The following SNURF variants were observed in gnomAD, a reference collection of about 807,000 sequenced individuals.
SNURF encodes the protein SNURF protein.
In SNURF, 6 loss-of-function variants were observed where a neutral mutation model predicts 11.6. The ratio of observed to expected loss-of-function variants is 0.52; its 90% confidence interval spans 0.28 to 1.02. The LOEUF (loss-of-function observed/expected upper bound fraction) is 1.02, where lower values mean the gene tolerates loss of function less well. Ranked by LOEUF, SNURF falls within the 50% of genes least tolerant of loss-of-function variation. SNURF has a pLI of 0.09. For synonymous variants in SNURF, 29 were observed against 31.6 expected (o/e 0.92, Z 0.27); for missense variants, 84 against 88.4 (o/e 0.95, Z 0.20).
At chr15:24,976,343 G>A (rs1297941569) in exon 5 of SNURF, 1 of 1,613,494 alleles carries the variant, frequency 6.2e-7, no homozygotes. Flanking sequence ...GAAGAAAAGC[G>A]GGTTTTGGGT....
chr15:24,975,605 G>C (rs1252697668), intron 4 of SNURF: 2 of 1,016,416 alleles, frequency 2.0e-6, no homozygotes, highest in African/African-American at 3.2e-5. Flanking sequence ...AACTGAAGTA[G>C]TTAGGGAAAC....
At position 24,955,619 on chromosome 15, in the gene SNURF, C is replaced by A. The variant is rs1056664106; in HGVS notation, c.14+557C>A. Among the ~76,000 whole-genome samples the A allele has an allele frequency of 2.3e-5, 3 of 132,434 alleles. No individual in the cohort carries two copies. The Admixed American group carries it at 2.6e-4, about 12-fold the overall frequency. 86.9% of individuals were successfully genotyped at this position (132,434 alleles called of 152,430 possible). A position where few individuals can be genotyped will look rare whatever the true frequency, so the allele number is the denominator to read the frequency against. ...TGGGGCGACTGGGGGGGGAATTCGTCGCAGTGACCGAGGCGAGGAGGCTAT... is the reference window on the plus strand; with the variant it reads ...TGGGGCGACTGGGGGGGGAATTCGTAGCAGTGACCGAGGCGAGGAGGCTAT... On this transcript the variant is annotated intron_variant, in intron 1 of 2. Coordinates refer to ENST00000577949, the Ensembl canonical transcript of SNURF.
At chr15:24,959,969 A>G (rs1193142880) in intron 1 of SNURF, among the ~76,000 whole-genome samples, 2 of 152,160 alleles carry the variant, frequency 1.3e-5, no homozygotes, top group East Asian at 3.9e-4. Context: ...GGTATAATAG[A>G]AAGAACATGA....
chr15:24,977,763 G>C (rs755179082), intron 6 of SNURF: 21 of 1,579,954 alleles, frequency 1.3e-5, no homozygotes, highest in Middle Eastern at 1.7e-4. Flanking sequence ...ACTGTTTCCC[G>C]CCCTGCCTTC....
At chr15:24,978,662 AG>A, downstream of SNURF, 1 of 587,854 alleles carries the variant, frequency 1.7e-6, no homozygotes, top group South Asian at 2.2e-5. Context: ...ATGCCTATTA[AG>A]CAGTTGATTC....
downstream of SNURF, among the ~76,000 whole-genome samples, chr15:24,973,637 T>G (rs1423051212): frequency 6.6e-6 from 1 of 152,182 alleles, no homozygotes; most frequent in African/African-American, 2.4e-5. Context: ...TGACCTCAGG[T>G]GATCCACCTG....
intron 2 of SNURF, among the ~76,000 whole-genome samples, chr15:24,964,621 C>G (rs1342891626): frequency 6.6e-6 from 1 of 152,062 alleles, no homozygotes; most frequent in African/African-American, 2.4e-5. Flanking sequence ...TTTTGCAGCT[C>G]TGACGTTTTT....
chr15:24,960,964 T>C (rs530734121), intron 1 of SNURF, among the ~76,000 whole-genome samples: 1 of 152,188 alleles, frequency 6.6e-6, no homozygotes, highest in African/African-American at 2.4e-5. Context: ...TTTTCATTGT[T>C]TGGATTTTCT....
chr15:24,955,371 C>T (rs141481392), intron 1 of SNURF, among the ~76,000 whole-genome samples: 3 of 151,878 alleles, frequency 2.0e-5, no homozygotes, highest in African/African-American at 7.2e-5. Context: ...TGCGGGGTAA[C>T]CGCAGTGGGC....
intron 5 of SNURF, chr15:24,976,533 G>T (rs768151517): frequency 6.1e-5 from 47 of 772,566 alleles, no homozygotes; most frequent in Non-Finnish European, 1.0e-4. Context: ...AATAAAATGT[G>T]CCAGGCACTT....
chr15:24,965,452 G>A (rs557357948), intron 2 of SNURF, among the ~76,000 whole-genome samples: 1 of 152,170 alleles, frequency 6.6e-6, no homozygotes, highest in African/African-American at 2.4e-5. Context: ...TGGAAGAATC[G>A]CTTGAACCTG....
intron 1 of SNURF, chr15:24,958,957 GT>G (rs1163967370): frequency 6.6e-6 from 1 of 152,310 alleles, no homozygotes; most frequent in East Asian, 1.9e-4. Flanking sequence ...GACTCAAGCA[GT>G]GCCCCTGCCT....
downstream of SNURF, among the ~76,000 whole-genome samples, chr15:24,972,540 T>TC: frequency 6.7e-6 from 1 of 149,032 alleles, no homozygotes; most frequent in Admixed American, 6.6e-5. Flanking sequence ...ATTAGAGTAT[T>TC]CTTTTTTTTT....
At chr15:24,969,922 A>C (rs2153610740), downstream of SNURF, among the ~76,000 whole-genome samples, 1 of 152,318 alleles carries the variant, frequency 6.6e-6, no homozygotes, top group East Asian at 1.9e-4. Context: ...AGCTTTGAGT[A>C]GTTGTGACAG....
exon 3 of SNURF, chr15:24,968,352 A>C (rs1017626204): frequency 4.1e-5 from 11 of 270,188 alleles, no homozygotes; most frequent in African/African-American, 2.3e-4. Flanking sequence ...ATTTCACTAT[A>C]AATGGCTCTT....
Position 24,975,032 on chromosome 15 carries a change from T to C in SNURF, c.*46-326T>C, listed in dbSNP as rs558347791. ...GCATTAACAGTACAGAGAAAAGCAG[T>C]CTGGAGAGAGAGAACACCCTACATC... is the stretch of plus-strand genomic sequence containing the variant. On this transcript the variant is annotated intron_variant and NMD_transcript_variant, in intron 3 of 6. Transcript: ENST00000580062. The C allele has an allele frequency of 4.3e-6, 3 of 700,210 alleles. No homozygotes were observed. In the South Asian group the frequency reaches 4.5e-5, roughly 10 times the overall value. The allele number at this position is 700,210 out of a possible 1,614,324, so 43.4% of individuals were successfully genotyped here. A position where few individuals can be genotyped will look rare whatever the true frequency, so the allele number is the denominator to read the frequency against.
chr15:24,960,101 C>G (rs973886768), intron 1 of SNURF, among the ~76,000 whole-genome samples: 6 of 152,016 alleles, frequency 3.9e-5, no homozygotes, highest in African/African-American at 1.4e-4. Flanking sequence ...CCTGTCTCTA[C>G]TATAAATACA....
At chr15:24,961,678 A>C (rs552535344) in intron 1 of SNURF, among the ~76,000 whole-genome samples, 1 of 152,154 alleles carries the variant, frequency 6.6e-6, no homozygotes, top group Non-Finnish European at 1.5e-5. Context: ...AATTTAAACT[A>C]TGTTCTATTC....
intron 2 of SNURF, chr15:24,967,101 C>G (rs1353073979): frequency 6.6e-6 from 1 of 152,148 alleles, no homozygotes; most frequent in South Asian, 2.1e-4. Flanking sequence ...AGCAGCATCT[C>G]CCTCCCCTCA....
Sources: allele counts gnomAD v4.1 joint callset (sites outside exome capture counted in the v4.1 genomes callset), GRCh38; gene constraint gnomAD v4.1.1; transcripts MANE v1.5; gene names NCBI Gene and HGNC (gene_info 2026-07-23, HGNC 2026-07-21).